The following DAB1 variants were observed in gnomAD, a reference collection of about 807,000 sequenced individuals.
DAB1 encodes DAB adaptor protein 1, also known as disabled homolog 1.
Under a neutral mutation model 64.6 loss-of-function variants are expected in DAB1, and 15 were observed. The observed-to-expected ratio is 0.23, with a 90% CI of 0.16 to 0.36. The LOEUF (loss-of-function observed/expected upper bound fraction) is 0.36. Ranked by LOEUF, DAB1 falls within the 10% of genes least tolerant of loss-of-function variation. DAB1 has a pLI of 1.00. For missense variants in DAB1, 596 were observed against 706.7 expected (o/e 0.84, Z 1.78); for synonymous variants, 235 against 251.9 (o/e 0.93, Z 0.64).
intron 6 of DAB1, among the ~76,000 whole-genome samples, chr1:57,790,285 A>G (rs1362128577): frequency 6.6e-6 from 1 of 152,104 alleles, no homozygotes; most frequent in Non-Finnish European, 1.5e-5. Flanking sequence ...AGTTCTCACG[A>G]GATTTGATGC....
At chr1:57,024,206 G>T (rs1393867908) in intron 10 of DAB1, among the ~76,000 whole-genome samples, 1 of 148,480 alleles carries the variant, frequency 6.7e-6, no homozygotes, top group Non-Finnish European at 1.5e-5. Context: ...CCCAGATTTT[G>T]CCTGAATCTT....
At chr1:58,354,535 G>A (rs1161218391) in intron 3 of DAB1, among the ~76,000 whole-genome samples, 1 of 152,272 alleles carries the variant, frequency 6.6e-6, no homozygotes, top group African/African-American at 2.4e-5. Flanking sequence ...GTCGAACAGT[G>A]AGTAGTTATA....
chr1:57,048,809 A>T (rs1648849980), intron 9 of DAB1, among the ~76,000 whole-genome samples: 1 of 152,218 alleles, frequency 6.6e-6, no homozygotes, highest in Non-Finnish European at 1.5e-5. Flanking sequence ...ACTCTTCCAG[A>T]GGACCAGTGG....
intron 6 of DAB1, among the ~76,000 whole-genome samples, chr1:57,798,509 A>G (rs758685924): frequency 2.6e-5 from 4 of 152,198 alleles, no homozygotes; most frequent in Non-Finnish European, 4.4e-5. Context: ...ACCTCCCCCA[A>G]CTACGTGCTG....
intron 7 of DAB1, among the ~76,000 whole-genome samples, chr1:57,513,743 T>C (rs890368361): frequency 6.6e-6 from 1 of 152,210 alleles, no homozygotes; most frequent in African/African-American, 2.4e-5. Flanking sequence ...GTGTATGTTG[T>C]TATTAACTAC....
chr1:58,070,440 G>T (rs1649162692), intron 5 of DAB1, among the ~76,000 whole-genome samples: 1 of 152,208 alleles, frequency 6.6e-6, no homozygotes, highest in African/African-American at 2.4e-5. Flanking sequence ...AGGTGAGGAA[G>T]CTAAGGATAG....
intron 7 of DAB1, among the ~76,000 whole-genome samples, chr1:57,481,369 G>C (rs1570560302): frequency 6.6e-6 from 1 of 151,960 alleles, no homozygotes; most frequent in Admixed American, 6.6e-5. Flanking sequence ...TCTCATTCTT[G>C]CTGTTGTACT....
intron 4 of DAB1, among the ~76,000 whole-genome samples, chr1:58,227,751 C>G (rs79626447): frequency 6.6e-6 from 1 of 152,158 alleles, no homozygotes; most frequent in Non-Finnish European, 1.5e-5. Context: ...CAGTGTAAGC[C>G]GGTCTCAGCT....
intron 4 of DAB1, among the ~76,000 whole-genome samples, chr1:57,094,132 T>A (rs1318879471): frequency 8.3e-6 from 1 of 120,380 alleles, no homozygotes; most frequent in African/African-American, 2.9e-5. Context: ...AAAAGGAATC[T>A]TGGAGTTGAC....
chr1:57,730,555 G>A (rs1647366033), intron 6 of DAB1, among the ~76,000 whole-genome samples: 1 of 152,172 alleles, frequency 6.6e-6, no homozygotes, highest in Non-Finnish European at 1.5e-5. Flanking sequence ...GGAAGGATAC[G>A]TAGTCATTAT....
chr1:57,220,058 C>T (rs994740138), intron 2 of DAB1, among the ~76,000 whole-genome samples: 4 of 152,176 alleles, frequency 2.6e-5, no homozygotes, highest in Non-Finnish European at 5.9e-5. Context: ...TGGTTGTCTG[C>T]ACATAAATGT....
intron 9 of DAB1, among the ~76,000 whole-genome samples, chr1:57,054,480 T>C (rs1302959144): frequency 6.9e-6 from 1 of 144,182 alleles, no homozygotes; most frequent in Non-Finnish European, 1.5e-5. Flanking sequence ...CTTTTTTTTT[T>C]TTTTTTTTTT....
intron 4 of DAB1, among the ~76,000 whole-genome samples, chr1:58,244,466 A>G (rs1326277857): frequency 6.6e-6 from 1 of 152,230 alleles, no homozygotes; most frequent in Admixed American, 6.5e-5. Context: ...TGTTTAGAGC[A>G]ATACCTTGCA....
At chr1:57,926,018 G>C (rs892556644) in intron 5 of DAB1, among the ~76,000 whole-genome samples, 4 of 152,024 alleles carry the variant, frequency 2.6e-5, no homozygotes, top group African/African-American at 7.3e-5. Flanking sequence ...GAACTCTTTG[G>C]GGTATTTAAA....
intron 3 of DAB1, among the ~76,000 whole-genome samples, chr1:58,459,426 G>T (rs1199033126): frequency 6.6e-6 from 1 of 152,224 alleles, no homozygotes; most frequent in African/African-American, 2.4e-5. Context: ...TGATCAGGCT[G>T]TTGGCAGGAG....
At chr1:58,433,246 A>G (rs1290912357) in intron 3 of DAB1, among the ~76,000 whole-genome samples, 1 of 152,090 alleles carries the variant, frequency 6.6e-6, no homozygotes, top group African/African-American at 2.4e-5. Flanking sequence ...CCCTATGAGT[A>G]AATAGTAGGG....
At chr1:57,962,032 AAG>A (rs1488287663) in intron 5 of DAB1, among the ~76,000 whole-genome samples, 1 of 151,972 alleles carries the variant, frequency 6.6e-6, no homozygotes, top group African/African-American at 2.4e-5. Context: ...GAGTTAAATT[AAG>A]AGAGTGGCGA....
intron 9 of DAB1, among the ~76,000 whole-genome samples, chr1:57,044,479 A>G (rs1361601435): frequency 1.3e-5 from 2 of 152,214 alleles, no homozygotes; most frequent in Non-Finnish European, 2.9e-5. Flanking sequence ...ACTACAGGGA[A>G]AGGGAACTCT....
chr1:57,110,770 T>C (rs1655583657), intron 4 of DAB1, among the ~76,000 whole-genome samples: 1 of 152,062 alleles, frequency 6.6e-6, no homozygotes, highest in African/African-American at 2.4e-5. Flanking sequence ...ATGGGCGTTA[T>C]TTCATTTTCA....
Sources: gnomAD v4.1 joint callset for allele counts (sites outside exome capture counted in the v4.1 genomes callset) on GRCh38, gnomAD v4.1.1 for gene constraint, MANE v1.5 for transcripts, NCBI Gene and HGNC (gene_info 2026-07-23, HGNC 2026-07-21) for gene names.